The following AGR3 variants were observed in gnomAD, a reference collection of about 807,000 sequenced individuals.
The protein encoded by AGR3 is anterior gradient protein 3.
Under a neutral mutation model 24.5 loss-of-function variants are expected in AGR3, and 37 were observed. That is an observed-to-expected ratio of 1.51 (90% CI 1.16 to 1.99). The LOEUF is 1.99. Among genes scored for constraint, AGR3 ranks in the 30% most tolerant of loss-of-function variants. The pLI is 0.00. For missense variants in AGR3, 228 were observed against 191.1 expected, an observed-to-expected ratio of 1.19 and a Z score of -1.14; for synonymous variants, 75 against 61.6, an observed-to-expected ratio of 1.22 and a Z score of -1.02.
At chr7:16,857,543 T>A (rs909199395), downstream of AGR3, among the ~76,000 whole-genome samples, 24 of 152,206 alleles carry the variant, frequency 1.6e-4, no homozygotes, top group African/African-American at 5.5e-4. Context: ...CTATATTTCT[T>A]TAGTCTTCAT....
Position 16,865,170 on chromosome 7 carries a change from T to C in AGR3, c.174-2508A>G. ...ACCAGTAGCTTGGACCTCTTGACTTTCAAAAACCCTATCAGTTTTTTTTCT... is the reference window on the plus strand; with the variant it reads ...ACCAGTAGCTTGGACCTCTTGACTTCCAAAAACCCTATCAGTTTTTTTTCT... On this transcript the variant is annotated intron_variant, in intron 3 of 7. Coordinates refer to ENST00000310398, the MANE Select transcript of AGR3 (RefSeq NM_176813.5). The C allele has an allele frequency of 4.0e-6, 3 of 746,746 alleles. No homozygotes were observed. The East Asian group carries it at 7.3e-5, about 18-fold the overall frequency. 46.3% of individuals were successfully genotyped at this position (746,746 alleles called of 1,614,324 possible).
At chr7:16,863,770 A>G (rs1311725164) in intron 3 of AGR3, among the ~76,000 whole-genome samples, 2 of 152,002 alleles carry the variant, frequency 1.3e-5, no homozygotes, top group African/African-American at 4.8e-5. Context: ...TAGTCTCCCC[A>G]AAGATGGATA....
At chr7:16,862,579 A>G (rs762806112) in intron 4 of AGR3, 31 bp downstream of exon 4, 2 of 1,351,660 alleles carry the variant, frequency 1.5e-6, no homozygotes, top group Admixed American at 2.6e-5. Flanking sequence ...AATATTATAT[A>G]TTATAATAAG....
downstream of AGR3, among the ~76,000 whole-genome samples, chr7:16,858,720 A>C (rs2115400173): frequency 6.6e-6 from 1 of 151,934 alleles, no homozygotes; most frequent in African/African-American, 2.4e-5. Flanking sequence ...AAAATACAAA[A>C]ATTAGCCAGG....
chr7:16,881,825 A>T (rs1288263675), intron 1 of AGR3, 119 bp downstream of exon 1: 5 of 397,112 alleles, frequency 1.3e-5, no homozygotes, highest in Non-Finnish European at 2.0e-5. Context: ...AAAAATAAAA[A>T]TTCATTTCAC....
chr7:16,869,223 A>T (rs1019499263), intron 3 of AGR3, among the ~76,000 whole-genome samples: 1 of 152,098 alleles, frequency 6.6e-6, no homozygotes, highest in African/African-American at 2.4e-5. Flanking sequence ...AGGTACTGTG[A>T]TGTTGGATGA....
intron 3 of AGR3, chr7:16,865,187 T>A (rs1781731526): frequency 5.3e-6 from 4 of 753,380 alleles, no homozygotes; most frequent in South Asian, 4.7e-5. Context: ...CCCTATCAGT[T>A]TTTTTTCTTT....
At chr7:16,875,513 AATG>A (rs1781970392) in intron 2 of AGR3, among the ~76,000 whole-genome samples, 1 of 152,156 alleles carries the variant, frequency 6.6e-6, no homozygotes. Flanking sequence ...TTCATCAGTT[AATG>A]ATATTTGGGT....
At chr7:16,865,200 T>G in intron 3 of AGR3, 1 of 763,006 alleles carries the variant, frequency 1.3e-6, no homozygotes, top group Non-Finnish European at 2.3e-6. Context: ...TTTTCTTTGT[T>G]TTGATTTTGA....
chr7:16,871,827 C>G (rs541484498), intron 3 of AGR3, among the ~76,000 whole-genome samples: 1 of 152,152 alleles, frequency 6.6e-6, no homozygotes, highest in Middle Eastern at 3.4e-3. Context: ...GGTGACAGAG[C>G]AAGACTCCAT....
intron 3 of AGR3, among the ~76,000 whole-genome samples, chr7:16,871,796 C>T (rs540860544): frequency 1.4e-4 from 22 of 152,126 alleles, no homozygotes; most frequent in South Asian, 8.3e-4. Flanking sequence ...GAGCTGAGAT[C>T]GCGCCACTGT....
chr7:16,863,093 C>T (rs1781681936), intron 3 of AGR3, among the ~76,000 whole-genome samples: 1 of 152,274 alleles, frequency 6.6e-6, no homozygotes, highest in South Asian at 2.1e-4. Flanking sequence ...AACAAAAAAC[C>T]AAAGGCTTCA....
chr7:16,866,821 G>C (rs1257901236), intron 3 of AGR3, among the ~76,000 whole-genome samples: 1 of 151,994 alleles, frequency 6.6e-6, no homozygotes, highest in Non-Finnish European at 1.5e-5. Flanking sequence ...TTGTATATTA[G>C]AGAAAGTCAC....
chr7:16,865,619 T>G, intron 3 of AGR3: 1 of 746,108 alleles, frequency 1.3e-6, no homozygotes, highest in South Asian at 1.4e-5. Context: ...TATAAACTGG[T>G]TAGGTAAATC....
intron 7 of AGR3, 100 bp from the exon 8 acceptor site, chr7:16,859,731 T>G: frequency 1.4e-5 from 10 of 711,126 alleles, no homozygotes; most frequent in Non-Finnish European, 2.3e-5. Context: ...TTTAAATTAA[T>G]AGCTTTGAAC....
At chr7:16,878,884 T>C (rs1782048377) in intron 1 of AGR3, among the ~76,000 whole-genome samples, 2 of 152,208 alleles carry the variant, frequency 1.3e-5, no homozygotes, top group African/African-American at 4.8e-5. Context: ...CATGGTGCTG[T>C]ATAATTAAAA....
downstream of AGR3, among the ~76,000 whole-genome samples, chr7:16,857,004 G>A (rs1236215741): frequency 4.1e-5 from 6 of 146,710 alleles, no homozygotes; most frequent in African/African-American, 1.5e-4. Flanking sequence ...AACACGTTGT[G>A]GTCTCACTAT....
chr7:16,865,736 G>A, intron 3 of AGR3: 5 of 758,394 alleles, frequency 6.6e-6, no homozygotes, highest in South Asian at 1.4e-5. Context: ...TGCTATCTGA[G>A]ACTGATAGGG....
intron 3 of AGR3, chr7:16,864,840 G>A: frequency 1.1e-6 from 1 of 878,048 alleles, no homozygotes; most frequent in South Asian, 1.3e-5. Flanking sequence ...TATATTTCCT[G>A]AGTAAAGAGC....
Sources: gnomAD v4.1 joint callset for allele counts (sites outside exome capture counted in the v4.1 genomes callset) on GRCh38, gnomAD v4.1.1 for gene constraint, MANE v1.5 for transcripts, NCBI Gene and HGNC (gene_info 2026-07-23, HGNC 2026-07-21) for gene names.